Variants in MAOA observed in about 807,000 individuals in gnomAD.
MAOA encodes the protein monoamine oxidase A.
A neutral mutation model predicts 42.0 loss-of-function variants in MAOA; 6 were observed. The ratio of observed to expected loss-of-function variants is 0.14; its 90% confidence interval spans 0.08 to 0.28. The LOEUF (loss-of-function observed/expected upper bound fraction) is 0.28, where lower values mean the gene tolerates loss of function less well. Among genes scored for constraint, MAOA ranks in the 10% least tolerant of loss-of-function variants. MAOA has a pLI of 1.00. For missense variants in MAOA, 262 were observed against 422.3 expected (o/e 0.62, Z 3.33); for synonymous variants, 140 against 154.0 (o/e 0.91, Z 0.67).
intron 1 of MAOA, among the ~76,000 whole-genome samples, chrX:43,681,610 G>T (rs1184630508): frequency 1.8e-5 from 2 of 110,724 alleles, no homozygotes; most frequent in African/African-American, 6.6e-5. Context: ...AGTTAGAATA[G>T]TTCTCCTCCT....
chrX:43,680,957 C>A (rs2033437632), intron 1 of MAOA, among the ~76,000 whole-genome samples: 1 of 111,434 alleles, frequency 9.0e-6, no homozygotes. Context: ...ATTATGAACT[C>A]ATGGATTTAA....
At chrX:43,657,020 G>A (rs184819702) in intron 1 of MAOA, among the ~76,000 whole-genome samples, 2 of 104,893 alleles carry the variant, frequency 1.9e-5, no homozygotes, top group African/African-American at 7.0e-5. Flanking sequence ...GAAGGAGGTA[G>A]ACTCCTTTAA....
At chrX:43,714,681 G>T (rs897010736) in intron 5 of MAOA, among the ~76,000 whole-genome samples, 10 of 108,220 alleles carry the variant, frequency 9.2e-5, no homozygotes, top group Non-Finnish European at 1.9e-4. Flanking sequence ...CACAGTGTTA[G>T]GGAGTGGGGA....
chrX:43,680,039 T>C (rs769446061), intron 1 of MAOA, among the ~76,000 whole-genome samples: 1 of 112,276 alleles, frequency 8.9e-6, no homozygotes, highest in South Asian at 3.7e-4. Context: ...ATGGCTTTTC[T>C]TTGTGAGCTG....
chrX:43,736,605 T>C (rs893235553), intron 10 of MAOA, among the ~76,000 whole-genome samples: 2 of 111,930 alleles, frequency 1.8e-5, no homozygotes, highest in Non-Finnish European at 3.8e-5. Context: ...AAGGCCATAA[T>C]CTTTTTCTAA....
intron 2 of MAOA, among the ~76,000 whole-genome samples, chrX:43,685,369 G>T (rs1184525666): frequency 2.7e-5 from 3 of 111,882 alleles, no homozygotes; most frequent in Admixed American, 9.5e-5. Context: ...ATTGGCTAGA[G>T]TTGAGTCACA....
At chrX:43,742,165 A>G (rs1327043626) in intron 12 of MAOA, 118 bp downstream of exon 12, 24 of 1,095,134 alleles carry the variant, frequency 2.2e-5, no homozygotes, top group Non-Finnish European at 2.9e-5. Flanking sequence ...TATGTCCTAG[A>G]TAATACTTGT....
intron 1 of MAOA, among the ~76,000 whole-genome samples, chrX:43,681,877 T>C (rs1474093256): frequency 2.1e-5 from 1 of 46,679 alleles, no homozygotes; most frequent in Non-Finnish European, 4.6e-5. Context: ...TATATATATA[T>C]ATATTTTTTT....
At chrX:43,675,487 A>G (rs1292146651) in intron 1 of MAOA, among the ~76,000 whole-genome samples, 1 of 112,465 alleles carries the variant, frequency 8.9e-6, no homozygotes, top group Non-Finnish European at 1.9e-5. Flanking sequence ...CTGGTGAGGA[A>G]CTGCGTTCCT....
At chrX:43,712,328 G>C (rs1229746961) in intron 4 of MAOA, among the ~76,000 whole-genome samples, 1 of 111,406 alleles carries the variant, frequency 9.0e-6, no homozygotes, top group Non-Finnish European at 1.9e-5. Flanking sequence ...ATTTTAGATA[G>C]TAAAGGAGAG....
At chrX:43,673,853 G>C (rs1221636863) in intron 1 of MAOA, among the ~76,000 whole-genome samples, 1 of 111,890 alleles carries the variant, frequency 8.9e-6, no homozygotes, top group Non-Finnish European at 1.9e-5. Flanking sequence ...GCTGAGGAGA[G>C]CTTTACTTCC....
At chrX:43,732,624 A>G in intron 8 of MAOA, 75 bp from the exon 9 acceptor site, 1 of 688,408 alleles carries the variant, frequency 1.5e-6, no homozygotes, top group South Asian at 2.2e-5. Context: ...AAAATAGTTT[A>G]TATATATTTA....
chrX:43,712,566 C>T lies in MAOA; in HGVS notation c.412-139C>T, dbSNP rs1465405312. The stretch of plus-strand genomic sequence containing the variant: ...CAAAGAACTCTACCCCACTCCCTGT[C>T]TCTATATAGAATTCTATGCCAATCA... On this transcript the variant is annotated intron_variant, in intron 4 of 14. Transcript: ENST00000338702. 6 of 503,792 alleles carry T rather than the reference C, an allele frequency of 1.2e-5. No homozygotes were observed. The Admixed American group carries it at 1.7e-4, about 14-fold the overall frequency. The allele number at this position is 503,792 out of a possible 1,213,427, so 41.5% of individuals were successfully genotyped here.
At chrX:43,716,696 G>A (rs1247032923) in intron 5 of MAOA, among the ~76,000 whole-genome samples, 2 of 110,415 alleles carry the variant, frequency 1.8e-5, no homozygotes, top group Non-Finnish European at 3.8e-5. Flanking sequence ...AGAAGTCAGG[G>A]AAATAAGTTT....
At position 43,731,852 on chromosome X, in the gene MAOA, G is replaced by A; in HGVS notation, c.954G>A (p.Lys318=). The change falls in exon 8 of 15, where the codon AAG becomes AAA. Residue 318 remains lysine, a splice_region_variant and synonymous_variant. Transcript: ENST00000338702. ...MYYKEAFWKK[K]DYCGCMIIED... ...ACAAGGAGGCCTTCTGGAAGAAGAA[G>A]GGTAGGCTGCTATTATTCATGTTTA... 8.3e-7 allele frequency: 1 copy of A among 1,203,645 alleles called. No homozygotes were observed. The highest frequency in any genetic ancestry group is 1.1e-6 in the Non-Finnish European group (1 of 887,975).
At chrX:43,743,968 T>C (rs970779090) in intron 13 of MAOA, 63 bp downstream of exon 13, 2 of 1,170,459 alleles carry the variant, frequency 1.7e-6, no homozygotes, top group African/African-American at 3.6e-5. Context: ...GCATCTGGTC[T>C]TGCTAGTTCT....
At chrX:43,663,676 C>T (rs967281171) in intron 1 of MAOA, among the ~76,000 whole-genome samples, 8 of 112,065 alleles carry the variant, frequency 7.1e-5, no homozygotes, top group Middle Eastern at 4.2e-3. Context: ...TTACTTTGAA[C>T]GTTGATGCTC....
chrX:43,672,296 A>G (rs896033845), intron 1 of MAOA, among the ~76,000 whole-genome samples: 1 of 111,310 alleles, frequency 9.0e-6, no homozygotes, highest in African/African-American at 3.3e-5. Context: ...TTGATTTTGT[A>G]TCCTGAGACT....
intron 5 of MAOA, among the ~76,000 whole-genome samples, chrX:43,721,954 A>T (rs983393493): frequency 3.6e-5 from 4 of 110,596 alleles, no homozygotes; most frequent in African/African-American, 1.3e-4. Context: ...GTTTTCTCTT[A>T]TTGTGTTACT....
Sources: gnomAD v4.1 joint callset for allele counts (sites outside exome capture counted in the v4.1 genomes callset) on GRCh38, gnomAD v4.1.1 for gene constraint, MANE v1.5 for transcripts, NCBI Gene and HGNC (gene_info 2026-07-23, HGNC 2026-07-21) for gene names.